The following NSD1 variants were observed in gnomAD, a reference collection of about 807,000 sequenced individuals.
NSD1 encodes nuclear receptor binding SET domain protein 1.
NSD1 carries 26 observed loss-of-function variants against 242.7 expected under a neutral mutation model. The observed-to-expected ratio is 0.11, with a 90% CI of 0.08 to 0.15. NSD1 has a LOEUF of 0.15. Ranked by LOEUF, NSD1 falls within the 10% of genes least tolerant of loss-of-function variation. NSD1 has a pLI of 1.00. For synonymous variants in NSD1, 1,106 were observed against 1,178.1 expected, an observed-to-expected ratio of 0.94 and a Z score of 1.25; for missense variants, 2,495 against 3,272.8, an observed-to-expected ratio of 0.76 and a Z score of 5.80.
At chr5:177,229,612 G>A (rs1220823113) in intron 5 of NSD1, among the ~76,000 whole-genome samples, 3 of 152,190 alleles carry the variant, frequency 2.0e-5, no homozygotes, top group Non-Finnish European at 4.4e-5. Flanking sequence ...TGTAGTAAGA[G>A]TAGGTGAATT....
At chr5:177,291,024 T>G (rs1759772720) in intron 21 of NSD1, among the ~76,000 whole-genome samples, 1 of 152,182 alleles carries the variant, frequency 6.6e-6, no homozygotes, top group Non-Finnish European at 1.5e-5. Flanking sequence ...TCTGTCAGAA[T>G]AGGGTGGACC....
intron 3 of NSD1, among the ~76,000 whole-genome samples, chr5:177,203,021 T>G (rs891363918): frequency 1.3e-5 from 2 of 152,178 alleles, no homozygotes; most frequent in African/African-American, 2.4e-5. Context: ...TTGTCTTTCT[T>G]TTTTCATTTT....
Position 177,292,172 on chromosome 5 carries a change from T to C in NSD1, c.6463+14T>C, listed in dbSNP as rs1759889409. The stretch of plus-strand genomic sequence containing the variant: ...AGCGACCAGCAGGTTGGTGCCAAAA[T>C]CCATTTGTACCGCTACTCGTTCTCT... On this transcript the variant is annotated intron_variant, in intron 22 of 22. Transcript: ENST00000439151. 1 of 1,613,068 alleles carries C rather than the reference T, an allele frequency of 6.2e-7. No homozygotes were observed. Among genetic ancestry groups the C allele is most frequent in the Non-Finnish European group, 8.5e-7 (1 of 1,179,528 alleles).
intron 2 of NSD1, among the ~76,000 whole-genome samples, chr5:177,172,367 G>C (rs1225883880): frequency 6.6e-6 from 1 of 151,802 alleles, no homozygotes; most frequent in Non-Finnish European, 1.5e-5. Context: ...CAGTCTTAAA[G>C]TTATTTCTTC....
intron 20 of NSD1, among the ~76,000 whole-genome samples, chr5:177,285,302 G>A (rs1048666928): frequency 6.6e-6 from 1 of 151,974 alleles, no homozygotes; most frequent in African/African-American, 2.4e-5. Context: ...GATGGTTCAC[G>A]CCTGTAATCC....
chr5:177,280,870 C>T (rs765302127), intron 18 of NSD1, 36 bp downstream of exon 18: 2 of 1,606,678 alleles, frequency 1.2e-6, no homozygotes, highest in South Asian at 2.2e-5. Context: ...ACTTTCTCCT[C>T]TTTGCAGTTG....
rs1759078724 is a variant in NSD1 at position 177,283,726 on chromosome 5, A to C, written c.6010-61A>C. 2.5e-6 allele frequency: 4 copies of C among 1,587,106 alleles called. No individual in the cohort carries two copies. The African/African-American group carries it at 4.0e-5, about 16-fold the overall frequency. ...TCCAACTTATTAGAGAGAATAGTCA[A>C]ATTTTAATCCACAGCAGAGGTCTCA... On this transcript the variant is annotated intron_variant, in intron 19 of 22. Transcript: ENST00000439151.
chr5:177,197,137 G>A (rs945759654), intron 3 of NSD1, among the ~76,000 whole-genome samples: 9 of 152,128 alleles, frequency 5.9e-5, no homozygotes, highest in African/African-American at 1.9e-4. Flanking sequence ...GGGCGTGGTG[G>A]TGGATGCCTG....
chr5:177,161,765 G>A (rs1758777311), intron 2 of NSD1, among the ~76,000 whole-genome samples: 1 of 148,026 alleles, frequency 6.8e-6, no homozygotes, highest in African/African-American at 2.5e-5. Context: ...TGCAACCTCT[G>A]CCTCCTGGGT....
chr5:177,134,468 C>T lies in NSD1; in HGVS notation c.-18+516C>T, dbSNP rs902284923. 2.6e-5 allele frequency among the ~76,000 whole-genome samples: 4 copies of T among 152,206 alleles called. No individual in the cohort carries two copies. Among genetic ancestry groups the T allele is most frequent in the East Asian group, 1.9e-4 (1 of 5,176 alleles). On this transcript the variant is annotated intron_variant, in intron 1 of 22. Transcript: ENST00000439151. This position sits in a 1 kb window ranked among gnomAD's most constrained non-coding sequence, Gnocchi z 4.2. The stretch of plus-strand genomic sequence containing the variant: ...CTTCGCTGGCCGCCTCGGTTTCTCC[C>T]TCTGCCGGGTCCAGGCCTCTTCGCC...
chr5:177,229,131 G>A (rs1389806119), intron 5 of NSD1, among the ~76,000 whole-genome samples: 2 of 149,624 alleles, frequency 1.3e-5, no homozygotes, highest in East Asian at 1.9e-4. Context: ...TTGCTAAATA[G>A]TATTCCACCA....
chr5:177,255,087 T>C (rs1173241719), intron 12 of NSD1, among the ~76,000 whole-genome samples: 1 of 152,074 alleles, frequency 6.6e-6, no homozygotes, highest in Admixed American at 6.6e-5. Context: ...GGCGGATTTT[T>C]TAAGGTCAGA....
intron 2 of NSD1, among the ~76,000 whole-genome samples, chr5:177,167,491 C>T (rs945177457): frequency 3.3e-5 from 5 of 151,772 alleles, no homozygotes; most frequent in Non-Finnish European, 7.4e-5. Context: ...GCCGAGATCG[C>T]GCCATTGCAC....
Position 177,296,373 on chromosome 5 carries a change from C to G in NSD1, c.*914C>G, listed in dbSNP as rs1281160666. On this transcript the variant is annotated 3_prime_UTR_variant, in exon 23 of 23. Coordinates refer to ENST00000439151, the MANE Select transcript of NSD1 (RefSeq NM_022455.5). ...TGCTTTTGTTTCTACCTATTTTTCT[C>G]TTTGTACATGAATCCACCCCATCCC... 1 of 233,268 alleles carries G rather than the reference C, an allele frequency of 4.3e-6. No individual in the cohort carries two copies. The highest frequency in any genetic ancestry group is 2.2e-5 in the African/African-American group (1 of 45,348). 14.4% of individuals were successfully genotyped at this position (233,268 alleles called of 1,614,324 possible).
intron 2 of NSD1, among the ~76,000 whole-genome samples, chr5:177,163,982 G>A (rs1758964279): frequency 6.6e-6 from 1 of 151,986 alleles, no homozygotes; most frequent in African/African-American, 2.4e-5. Flanking sequence ...GTTAAAATGA[G>A]AGGAATTTTT....
intron 2 of NSD1, among the ~76,000 whole-genome samples, chr5:177,170,639 C>T (rs1040620688): frequency 2.0e-5 from 3 of 152,332 alleles, no homozygotes; most frequent in South Asian, 2.1e-4. Context: ...AGGCGTGAGC[C>T]ACTGCGCCTG....
intron 17 of NSD1, among the ~76,000 whole-genome samples, chr5:177,277,314 AT>A (rs1036516130): frequency 1.3e-5 from 2 of 152,190 alleles, no homozygotes; most frequent in African/African-American, 4.8e-5. Context: ...ATGATATGAA[AT>A]TCAACTTTCA....
intron 5 of NSD1, among the ~76,000 whole-genome samples, chr5:177,230,541 C>T (rs1255166576): frequency 1.3e-5 from 2 of 151,910 alleles, no homozygotes; most frequent in African/African-American, 4.8e-5. Context: ...TAAGAGGAAA[C>T]GTGGCCAGGC....
intron 9 of NSD1, among the ~76,000 whole-genome samples, chr5:177,245,298 A>T (rs1766191558): frequency 6.6e-6 from 1 of 152,222 alleles, no homozygotes. Context: ...TTTCGTTTTT[A>T]AAATAAAACC....
Sources: allele counts gnomAD v4.1 joint callset (sites outside exome capture counted in the v4.1 genomes callset), GRCh38; gene constraint gnomAD v4.1.1; non-coding constraint Gnocchi (gnomAD v3.1); transcripts MANE v1.5; gene names NCBI Gene and HGNC (gene_info 2026-07-23, HGNC 2026-07-21).